SIGLEC8: variants seen among roughly 807,000 people sequenced by gnomAD.
SIGLEC8 encodes the protein sialic acid-binding Ig-like lectin 8.
A neutral mutation model predicts 42.1 loss-of-function variants in SIGLEC8; 32 were observed. The ratio of observed to expected loss-of-function variants is 0.76; its 90% CI spans 0.57 to 1.02. The LOEUF (loss-of-function observed/expected upper bound fraction) is 1.02, where lower values mean the gene tolerates loss of function less well. Among genes scored for constraint, SIGLEC8 ranks in the 50% least tolerant of loss-of-function variants. The pLI, the probability that SIGLEC8 is intolerant of heterozygous loss-of-function variation, is 0.00. For synonymous variants in SIGLEC8, 262 were observed against 260.3 expected (o/e 1.01, Z -0.06); for missense variants, 611 against 610.2 (o/e 1.00, Z -0.01).
At chr19:51,452,726 C>G in intron 6 of SIGLEC8, 93 bp from the exon 7 acceptor site, 4 of 1,176,348 alleles carry the variant, frequency 3.4e-6, no homozygotes, top group Non-Finnish European at 4.5e-6. Context: ...GGTCCGTCCT[C>G]CATTCATCCC....
At chr19:51,457,022 C>A (rs1463770566) in intron 3 of SIGLEC8, among the ~76,000 whole-genome samples, 162 bp downstream of exon 3, 1 of 152,104 alleles carries the variant, frequency 6.6e-6, no homozygotes, top group African/African-American at 2.4e-5. Flanking sequence ...GGGACAGGGG[C>A]TCAGATGGTC....
rs568733450 is a variant in SIGLEC8, at chr19:51,451,588, T to G, written c.*791A>C. The G allele has an allele frequency of 6.6e-6, 1 of 152,188 alleles. No individual in the cohort carries two copies. Among genetic ancestry groups the G allele is most frequent in the Non-Finnish European group, 1.5e-5 (1 of 68,036 alleles). 9.4% of individuals were successfully genotyped at this position (152,188 alleles called of 1,614,324 possible). On this transcript the variant is annotated 3_prime_UTR_variant, in exon 7 of 7. Transcript: ENST00000321424. ...AAGAGACCTCAGAATCGGACAGGCTTTAAATTCCAGCCCTGTCCTGAGTAG... is the reference window on the plus strand; with the variant it reads ...AAGAGACCTCAGAATCGGACAGGCTGTAAATTCCAGCCCTGTCCTGAGTAG...
chr19:51,455,728 T>A (rs1989475698), intron 3 of SIGLEC8, 41 bp from the exon 4 acceptor site: 8 of 1,545,486 alleles, frequency 5.2e-6, no homozygotes, highest in African/African-American at 1.4e-5. Flanking sequence ...TTACTGGGTA[T>A]ATACCCAAAG....
intron 3 of SIGLEC8, among the ~76,000 whole-genome samples, chr19:51,455,956 T>G (rs1161807357): frequency 2.6e-5 from 4 of 151,688 alleles, no homozygotes; most frequent in Admixed American, 1.3e-4. Flanking sequence ...ACCATCATTC[T>G]CAGCAAACTA....
chr19:51,455,519 C>T lies in SIGLEC8; in HGVS notation c.950G>A (p.Arg317Gln), dbSNP rs749906036. 6 of 1,614,118 alleles carry T rather than the reference C, an allele frequency of 3.7e-6. No individual in the cohort carries two copies. The highest frequency in any genetic ancestry group is 2.2e-5 in the South Asian group (2 of 91,068). ...TTCCCCTTCATCCCTCACGTGCACT[C>T]GAGGCAGCTCCAGCAGCCCAGGGTT... is the stretch of plus-strand genomic sequence containing the variant. ...SSNPGLLELP[R>Q]VHVRDEGEFT... Residue 317 changes from arginine to glutamine, a missense_variant, in exon 4 of 7, where the codon CGA (arginine) becomes CAA (glutamine). Transcript: ENST00000321424.
chr19:51,454,532 G>A lies in SIGLEC8; in HGVS notation c.1148+152C>T. On this transcript the variant is annotated intron_variant, in intron 5 of 6. Coordinates refer to ENST00000321424, the MANE Select transcript of SIGLEC8 (RefSeq NM_014442.3). This position sits in a 1 kb window ranked among gnomAD's most constrained non-coding sequence, Gnocchi z 4.7. ...ACAGATGTGGAGCCCCACAGACAAG[G>A]ACGCTCGTGAAATGCTCACCGTGCA... 2.0e-6 allele frequency: 2 copies of A among 1,002,488 alleles called. No homozygotes were observed. Among genetic ancestry groups the A allele is most frequent in the Non-Finnish European group, 3.0e-6 (2 of 672,794 alleles). 62.1% of individuals were successfully genotyped at this position (1,002,488 alleles called of 1,614,324 possible).
chr19:51,455,778 A>G, intron 3 of SIGLEC8, 91 bp from the exon 4 acceptor site: 5 of 1,186,240 alleles, frequency 4.2e-6, no homozygotes, highest in Non-Finnish European at 3.6e-6. Context: ...ATGCACATGT[A>G]TGTTTATTGT....
At position 51,454,397 on chromosome 19, in the gene SIGLEC8, A is replaced by G. The variant is rs1452468394; in HGVS notation, c.1149-82T>C. On this transcript the variant is annotated intron_variant, in intron 5 of 6. Transcript: ENST00000321424. This position sits in a 1 kb window ranked among gnomAD's most constrained non-coding sequence, Gnocchi z 4.7. ...GACCAACCCCTGCCCTGTATTTCCT[A>G]CTGGGGGCTTGAGGGGTGACCGAGG... 21 of 1,610,022 alleles carry G rather than the reference A, an allele frequency of 1.3e-5. No homozygotes were observed. Among genetic ancestry groups the G allele is most frequent in the Non-Finnish European group, 1.8e-5 (21 of 1,179,166 alleles).
chr19:51,452,189 G>A lies in SIGLEC8; in HGVS notation c.*190C>T, dbSNP rs1435441869. On this transcript the variant is annotated 3_prime_UTR_variant, in exon 7 of 7. Coordinates refer to ENST00000321424, the MANE Select transcript of SIGLEC8 (RefSeq NM_014442.3). ...TACCACATGACCTCATCTCTATGTG[G>A]AATCTAAAATAGTCAACCTCAGAGA... is the stretch of plus-strand genomic sequence containing the variant. The A allele has an allele frequency of 6.5e-6, 3 of 459,978 alleles. No individual in the cohort carries two copies. The East Asian group carries it at 9.5e-5, about 15-fold the overall frequency. 28.5% of individuals were successfully genotyped at this position (459,978 alleles called of 1,614,324 possible). A position where few individuals can be genotyped will look rare whatever the true frequency, so the allele number is the denominator to read the frequency against.
Position 51,457,660 on chromosome 19 carries a change from G to C in SIGLEC8, c.534C>G (p.Pro178=). 1 of 1,611,056 alleles carries C rather than the reference G, an allele frequency of 6.2e-7. No homozygotes were observed. The highest frequency in any genetic ancestry group is 8.5e-7 in the Non-Finnish European group (1 of 1,178,470). ...GHSRNLTCSV[P]WACKQGTPPM... is the part of the protein sequence containing the mutation. ...GGGGTGTCCCCTGCTTACAGGCCCA[G>C]GGCACAGAGCAGGTCAGGTTCCTGG... The change falls in exon 2 of 7, where the codon CCC becomes CCG. Residue 178 remains proline, a synonymous_variant. Coordinates refer to ENST00000321424, the MANE Select transcript of SIGLEC8 (RefSeq NM_014442.3).
At chr19:51,457,397 T>A in intron 2 of SIGLEC8, 64 bp downstream of exon 2, 1 of 1,587,878 alleles carries the variant, frequency 6.3e-7, no homozygotes, top group Non-Finnish European at 8.6e-7. Flanking sequence ...TTGAACCCCA[T>A]CCCCTGCCCT....
chr19:51,458,067 G>A lies in SIGLEC8; in HGVS notation c.321C>T (p.Cys107=). Residue 107 remains cysteine (C), a synonymous_variant, in exon 1 of 7, where the codon TGC becomes TGT. Transcript: ENST00000321424. ...QLLGDIWSND[C]SLSIRDARKR... ...TCCTGGCGTCTCTGATGCTCAGGGA[G>A]CAGTCGTTGCTCCAAATGTCCCCAA... 3.7e-6 allele frequency: 6 copies of A among 1,614,166 alleles called. No individual in the cohort carries two copies. Among genetic ancestry groups the A allele is most frequent in the Non-Finnish European group, 4.2e-6 (5 of 1,180,016 alleles).
At position 51,458,031 on chromosome 19, in the gene SIGLEC8, C is replaced by G. The variant is rs1182177229; in HGVS notation, c.357G>C (p.Lys119Asn). ...TCTCTAGCCGAAAGAAATATGACCC[C>G]TTATCCCTCTTCCTGGCGTCTCTGA... ...LSIRDARKRD[K>N]GSYFFRLERG... Residue 119 changes from lysine (K) to asparagine (N), a missense_variant, in exon 1 of 7, where the codon AAG becomes AAC. By Grantham distance (94) the Lys-to-Asn change is moderately conservative (BLOSUM62 0). Coordinates refer to ENST00000321424, the MANE Select transcript of SIGLEC8 (RefSeq NM_014442.3). The G allele has an allele frequency of 1.2e-6, 2 of 1,614,048 alleles. No individual in the cohort carries two copies. The highest frequency in any genetic ancestry group is 1.7e-6 in the Non-Finnish European group (2 of 1,180,018).
intron 3 of SIGLEC8, 30 bp from the exon 4 acceptor site, chr19:51,455,717 A>C: frequency 6.3e-7 from 1 of 1,580,472 alleles, no homozygotes; most frequent in Non-Finnish European, 8.7e-7. Flanking sequence ...GGGTCATCCC[A>C]TTACTGGGTA....
rs749472167 is a variant in SIGLEC8, at chr19:51,455,472, C to G, written c.997G>C (p.Ala333Pro). 3 of 1,613,966 alleles carry G rather than the reference C, an allele frequency of 1.9e-6. No individual in the cohort carries two copies. The highest frequency in any genetic ancestry group is 2.5e-6 in the Non-Finnish European group (3 of 1,179,988). Residue 333 changes from alanine (A) to proline (P), a missense_variant, in exon 4 of 7, where the codon GCT becomes CCT. Ala to Pro is a conservative substitution (Grantham distance 27). Transcript: ENST00000321424. Reference protein sequence around the residue: ...EGEFTCRAQNAQGSQHISLSL... With the variant: ...EGEFTCRAQNPQGSQHISLSL... ...AGGGAAATGTGCTGGGAGCCCTGAG[C>G]GTTCTGAGCTCGGCAGGTGAATTCC...
At position 51,458,268 on chromosome 19, in the gene SIGLEC8, G is replaced by T. The variant is rs267605615; in HGVS notation, c.120C>A (p.Gly40=). The T allele has an allele frequency of 3.1e-6, 5 of 1,614,072 alleles. No homozygotes were observed. The highest frequency in any genetic ancestry group is 2.2e-5 in the South Asian group (2 of 91,076). ...QVQELVTVQE[G]LCVHVPCSFS... is the part of the protein sequence containing the mutation. ...AGGAGCAGGGCACATGGACACACAG[G>T]CCCTCCTGCACCGTCACCAGCTCCT... The change falls in exon 1 of 7, where the codon GGC becomes GGA. Residue 40 remains glycine (G), a synonymous_variant. Coordinates refer to ENST00000321424, the MANE Select transcript of SIGLEC8 (RefSeq NM_014442.3).
Position 51,455,369 on chromosome 19 carries a change from T to A in SIGLEC8, c.1051+49A>T, listed in dbSNP as rs759558731. Reference sequence around the variant, plus strand: ...AAGCTCAGGGGCAGTGGGTGGTCCATGAGGGTGGGGCAGGTGTGTTCTCCT... The same window carrying A: ...AAGCTCAGGGGCAGTGGGTGGTCCAAGAGGGTGGGGCAGGTGTGTTCTCCT... On this transcript the variant is annotated intron_variant, in intron 4 of 6. Coordinates refer to ENST00000321424, the MANE Select transcript of SIGLEC8 (RefSeq NM_014442.3). The A allele has an allele frequency of 1.0e-5, 16 of 1,597,434 alleles. No homozygotes were observed. The East Asian group carries it at 3.6e-4, about 36-fold the overall frequency.
At position 51,451,426 on chromosome 19, in the gene SIGLEC8, G is replaced by A. The variant is rs1989362665; in HGVS notation, c.*953C>T. On this transcript the variant is annotated 3_prime_UTR_variant, in exon 7 of 7. Transcript: ENST00000321424. ...CGGCCTTCATCTCCTCAGTGCACCT[G>A]TCTTGTTCCTGAGACTCTAGGCCAT... 1 of 152,180 alleles carries A rather than the reference G, an allele frequency of 6.6e-6. No homozygotes were observed. The highest frequency in any genetic ancestry group is 1.9e-4 in the East Asian group (1 of 5,196). 9.4% of individuals were successfully genotyped at this position (152,180 alleles called of 1,614,324 possible).
chr19:51,457,171 G>T lies in SIGLEC8; in HGVS notation c.781+13C>A. On this transcript the variant is annotated intron_variant, in intron 3 of 6. Transcript: ENST00000321424. ...CCTGCTCCCCCAACCCCAGGGAGGG[G>T]GCTCTGTCCTACCTGTGGCATCTCC... 6.2e-7 allele frequency: 1 copy of T among 1,612,426 alleles called. No individual in the cohort carries two copies. Among genetic ancestry groups the T allele is most frequent in the Non-Finnish European group, 8.5e-7 (1 of 1,178,650 alleles).
Sources: gnomAD v4.1 joint callset for allele counts (sites outside exome capture counted in the v4.1 genomes callset) on GRCh38, gnomAD v4.1.1 for gene constraint, Gnocchi (gnomAD v3.1) non-coding constraint, MANE v1.5 for transcripts, NCBI Gene and HGNC (gene_info 2026-07-23, HGNC 2026-07-21) for gene names.